TEX9: variants seen among roughly 807,000 people sequenced by gnomAD.
TEX9 encodes testis expressed 9.
A neutral mutation model predicts 59.6 loss-of-function variants in TEX9; 74 were observed. The observed-to-expected ratio is 1.24, with a 90% CI of 1.03 to 1.51. TEX9 has a LOEUF of 1.51. TEX9 is among the 40% of genes most tolerant of loss of function. The probability of loss-of-function intolerance (pLI) is 0.00; values close to 1 mark genes in which losing one functional copy is unlikely to be tolerated. For missense variants in TEX9, 522 were observed against 447.8 expected, an observed-to-expected ratio of 1.17 and a Z score of -1.49; for synonymous variants, 186 against 152.2, an observed-to-expected ratio of 1.22 and a Z score of -1.64.
At chr15:56,453,320 C>T in the TEX9 span, among the ~76,000 whole-genome samples, 9 of 152,128 alleles carry the variant, frequency 5.9e-5, no homozygotes, top group South Asian at 1.7e-3. Flanking sequence ...CTATTAATAC[C>T]TAATGAAGAA....
At chr15:56,279,403 T>G (rs1413147617) in intron 1 of TEX9, among the ~76,000 whole-genome samples, 1 of 152,192 alleles carries the variant, frequency 6.6e-6, no homozygotes, top group Non-Finnish European at 1.5e-5. Flanking sequence ...CAAAGATTTC[T>G]TAACTCATTA....
intron 10 of TEX9, among the ~76,000 whole-genome samples, chr15:56,413,340 T>C (rs2049501946): frequency 7.3e-6 from 1 of 137,378 alleles, no homozygotes; most frequent in Admixed American, 7.6e-5. Context: ...AAACAATATT[T>C]AATAATTAAA....
intron 1 of TEX9, among the ~76,000 whole-genome samples, chr15:56,261,342 C>T (rs2044261056): frequency 6.6e-6 from 1 of 151,540 alleles, no homozygotes; most frequent in African/African-American, 2.4e-5. Context: ...CATGTAAAGT[C>T]AACTTTCTTC....
chr15:56,427,351 T>C (rs1260462534), intron 10 of TEX9, among the ~76,000 whole-genome samples: 1 of 152,180 alleles, frequency 6.6e-6, no homozygotes, highest in Admixed American at 6.5e-5. Flanking sequence ...GTTGGTTCAA[T>C]ACAAGCTACT....
intron 1 of TEX9, among the ~76,000 whole-genome samples, chr15:56,353,881 T>C (rs2046632510): frequency 6.6e-6 from 1 of 152,228 alleles, no homozygotes; most frequent in African/African-American, 2.4e-5. Flanking sequence ...ATAAATGTCT[T>C]TCCTGAGGCT....
chr15:56,279,640 G>A (rs1319984748), intron 1 of TEX9, among the ~76,000 whole-genome samples: 1 of 152,126 alleles, frequency 6.6e-6, no homozygotes, highest in Non-Finnish European at 1.5e-5. Context: ...TAAGAGTAAA[G>A]AGTAAGTCAA....
At chr15:56,394,971 A>G in intron 9 of TEX9, 137 bp downstream of exon 9, 1 of 837,774 alleles carries the variant, frequency 1.2e-6, no homozygotes, top group Non-Finnish European at 1.8e-6. Flanking sequence ...CCTTACATAG[A>G]ATATTTTTAA....
chr15:56,386,594 A>G (rs1299278692), intron 4 of TEX9, among the ~76,000 whole-genome samples: 2 of 151,926 alleles, frequency 1.3e-5, no homozygotes, highest in East Asian at 3.8e-4. Flanking sequence ...TTATATTTTG[A>G]TAGACATATG....
chr15:56,273,098 C>G (rs1229426236), intron 1 of TEX9, among the ~76,000 whole-genome samples: 1 of 151,880 alleles, frequency 6.6e-6, no homozygotes, highest in African/African-American at 2.4e-5. Context: ...GGACTACAGG[C>G]ATGTGCCACC....
chr15:56,381,801 G>T (rs1238005424), intron 3 of TEX9, among the ~76,000 whole-genome samples: 1 of 152,216 alleles, frequency 6.6e-6, no homozygotes, highest in African/African-American at 2.4e-5. Flanking sequence ...TGCTCCGTCA[G>T]ACCTGAAGCC....
At chr15:56,284,416 TATG>T (rs1440166876) in intron 1 of TEX9, among the ~76,000 whole-genome samples, 1 of 152,200 alleles carries the variant, frequency 6.6e-6, no homozygotes, top group Non-Finnish European at 1.5e-5. Flanking sequence ...CTAAGTAAAC[TATG>T]ATATTATCTG....
intron 1 of TEX9, among the ~76,000 whole-genome samples, chr15:56,265,040 A>G (rs2044348208): frequency 6.6e-6 from 1 of 152,056 alleles, no homozygotes; most frequent in Non-Finnish European, 1.5e-5. Context: ...TAAGTCCTCC[A>G]ATTTTGTTCT....
chr15:56,423,708 C>A (rs1003908760), intron 10 of TEX9, among the ~76,000 whole-genome samples: 12 of 152,112 alleles, frequency 7.9e-5, no homozygotes, highest in Non-Finnish European at 1.6e-4. Context: ...CATTCTAGCC[C>A]TAGGCAACCA....
At chr15:56,341,075 A>G (rs942974759) in intron 1 of TEX9, among the ~76,000 whole-genome samples, 10 of 152,112 alleles carry the variant, frequency 6.6e-5, no homozygotes, top group South Asian at 2.1e-4. Flanking sequence ...TGGAAATGCT[A>G]TATTTTCTAA....
chr15:56,417,809 G>A (rs2049770062), intron 10 of TEX9, among the ~76,000 whole-genome samples: 2 of 151,856 alleles, frequency 1.3e-5, no homozygotes, highest in South Asian at 2.1e-4. Flanking sequence ...ATTATTGTGT[G>A]AGAGTCTATG....
chr15:56,403,715 T>C (rs1420348246), intron 9 of TEX9, among the ~76,000 whole-genome samples: 1 of 152,194 alleles, frequency 6.6e-6, no homozygotes, highest in Admixed American at 6.5e-5. Flanking sequence ...GGCATCACAC[T>C]ACCTGACTTC....
At chr15:56,379,511 T>C (rs2047623049) in intron 3 of TEX9, among the ~76,000 whole-genome samples, 1 of 152,198 alleles carries the variant, frequency 6.6e-6, no homozygotes, top group Non-Finnish European at 1.5e-5. Context: ...GAGAATAATG[T>C]GTATCTGTAG....
At chr15:56,250,343 A>T (rs1473848988) in intron 1 of TEX9, among the ~76,000 whole-genome samples, 1 of 152,164 alleles carries the variant, frequency 6.6e-6, no homozygotes, top group African/African-American at 2.4e-5. Flanking sequence ...AGGACTTGGG[A>T]TGGAGCTAGA....
In TEX9 at chr15:56,365,734, AC is replaced by A. The variant is rs769749578; in HGVS notation, c.119+65del. ...CATCTGAATGAGGCTGCTTACAAGT[AC>A]TTTTTTCTGGAGACTGGCTGGATCT... On this transcript the variant is annotated intron_variant, in intron 2 of 12. Transcript: ENST00000352903. The A allele has an allele frequency of 9.6e-5, 153 of 1,599,552 alleles. 2 individuals carry two copies. The South Asian group carries it at 1.5e-3, about 16-fold the overall frequency.
Sources: gnomAD v4.1 joint callset for allele counts (sites outside exome capture counted in the v4.1 genomes callset) on GRCh38, gnomAD v4.1.1 for gene constraint, MANE v1.5 for transcripts, NCBI Gene and HGNC (gene_info 2026-07-23, HGNC 2026-07-21) for gene names.